METTL13: variants seen among roughly 807,000 people sequenced by gnomAD.
The protein encoded by METTL13 is methyltransferase 13, eEF1A N-terminus and K55.
Under a neutral mutation model 67.4 loss-of-function variants are expected in METTL13, and 52 were observed. The observed-to-expected ratio is 0.77, with a 90% confidence interval of 0.62 to 0.97. The LOEUF is 0.97. Among genes scored for constraint, METTL13 ranks in the 50% least tolerant of loss-of-function variants. METTL13 has a pLI of 0.00. For synonymous variants in METTL13, 354 were observed against 353.6 expected, an observed-to-expected ratio of 1.00 and a Z score of -0.01; for missense variants, 825 against 889.6, an observed-to-expected ratio of 0.93 and a Z score of 0.92.
At chr1:171,794,265 C>T in intron 6 of METTL13, 131 bp from the exon 7 acceptor site, 1 of 1,364,366 alleles carries the variant, frequency 7.3e-7, no homozygotes, top group East Asian at 2.4e-5. Flanking sequence ...ACAGGCAAAC[C>T]ACATCCTCTG....
In METTL13 at chr1:171,784,384, G is replaced by A. The variant is rs763068747; in HGVS notation, c.798G>A (p.Gly266=). The A allele has an allele frequency of 6.4e-7, 1 of 1,568,606 alleles. No homozygotes were observed. Among genetic ancestry groups the A allele is most frequent in the Non-Finnish European group, 8.6e-7 (1 of 1,157,232 alleles). ...CSQLRRKARL[G]SVSLDLCDGD... is the part of the protein sequence containing the mutation. ...AGCTGCGCCGCAAGGCCAGGCTGGG[G>A]AGTGTGTCTCTGGACTTGTGCGATG... is the stretch of plus-strand genomic sequence containing the variant. The change falls in exon 2 of 8, where the codon GGG becomes GGA. Residue 266 remains glycine (G), a synonymous_variant. Coordinates refer to ENST00000361735, the MANE Select transcript of METTL13 (RefSeq NM_015935.5).
intron 6 of METTL13, among the ~76,000 whole-genome samples, chr1:171,792,962 A>G (rs1657255908): frequency 6.6e-6 from 1 of 152,198 alleles, no homozygotes; most frequent in African/African-American, 2.4e-5. Context: ...TAGGACAAAA[A>G]CCATAAGCAT....
chr1:171,793,552 T>C (rs1330663017), intron 6 of METTL13, among the ~76,000 whole-genome samples: 1 of 152,250 alleles, frequency 6.6e-6, no homozygotes, highest in African/African-American at 2.4e-5. Flanking sequence ...CTATGAACAA[T>C]GATAAGCATG....
chr1:171,781,780 T>C lies in METTL13; in HGVS notation c.-188T>C. On this transcript the variant is annotated 5_prime_UTR_variant, in exon 1 of 8. It removes an upstream start codon present in the reference 5' UTR. Transcript: ENST00000361735. ...AGCGTGTGTGAGATTCAGTGGTCCA[T>C]GCGTGCGTTTGTCGTGTAAGGGTCA... is the stretch of plus-strand genomic sequence containing the variant. The C allele has an allele frequency of 2.8e-6, 4 of 1,412,220 alleles. No homozygotes were observed. Among genetic ancestry groups the C allele is most frequent in the East Asian group, 5.3e-5 (2 of 37,816 alleles). The allele number at this position is 1,412,220 out of a possible 1,614,324, so 87.5% of individuals were successfully genotyped here. A position where few individuals can be genotyped will look rare whatever the true frequency, so the allele number is the denominator to read the frequency against.
In METTL13 at chr1:171,784,370, A is replaced by G. The variant is rs769918452; in HGVS notation, c.784A>G (p.Lys262Glu). Residue 262 changes from lysine to glutamate, a missense_variant, in exon 2 of 8, where the codon AAG becomes GAG. Lys to Glu is a moderately conservative substitution (Grantham distance 56). Transcript: ENST00000361735. Reference protein sequence around the residue: ...YAWLCSQLRRKARLGSVSLDL... With the variant: ...YAWLCSQLRREARLGSVSLDL... The stretch of plus-strand genomic sequence containing the variant: ...CTGGCTGTGCAGCCAGCTGCGCCGC[A>G]AGGCCAGGCTGGGGAGTGTGTCTCT... 5.1e-6 allele frequency: 8 copies of G among 1,573,954 alleles called. No homozygotes were observed. In the East Asian group the frequency reaches 1.8e-4, roughly 35 times the overall value.
rs1217378073 is a variant in METTL13, at chr1:171,784,102, C to T, written c.516C>T (p.Gly172=). 4 of 1,614,084 alleles carry T rather than the reference C, an allele frequency of 2.5e-6. No homozygotes were observed. The highest frequency in any genetic ancestry group is 1.7e-5 in the Admixed American group (1 of 60,006). ...CTCACATCCTGAAGAAAGCAGTGGG[C>T]CACTTCTCCCGGGAGGGGTGGATGG... The part of the protein sequence containing the change: ...AQAHILKKAV[G]HFSREGWMVR... The change falls in exon 2 of 8, where the codon GGC becomes GGT. Residue 172 remains glycine, a synonymous_variant. Transcript: ENST00000361735.
intron 1 of METTL13, among the ~76,000 whole-genome samples, chr1:171,782,567 A>T (rs891982588): frequency 2.6e-5 from 1 of 38,704 alleles, no homozygotes; most frequent in African/African-American, 1.2e-4. Flanking sequence ...GACCCTGTCT[A>T]AAAAAAAAAA....
At chr1:171,784,773 G>A (rs563352537) in intron 2 of METTL13, among the ~76,000 whole-genome samples, 2 of 152,350 alleles carry the variant, frequency 1.3e-5, no homozygotes, top group East Asian at 1.9e-4. Context: ...GGTTGGTAGG[G>A]AAGAGAGAGA....
chr1:171,794,295 T>C, intron 6 of METTL13, 101 bp from the exon 7 acceptor site: 1 of 1,531,030 alleles, frequency 6.5e-7, no homozygotes, highest in Non-Finnish European at 8.9e-7. Flanking sequence ...TCTAACTTAG[T>C]CACCATGCCC....
chr1:171,791,396 C>G (rs1657200371), intron 5 of METTL13, among the ~76,000 whole-genome samples: 1 of 152,182 alleles, frequency 6.6e-6, no homozygotes, highest in African/African-American at 2.4e-5. Context: ...GACATTGCAC[C>G]TCTGCTGCCT....
At position 171,794,437 on chromosome 1, in the gene METTL13, A is replaced by G. The variant is rs1467221388; in HGVS notation, c.1735A>G (p.Lys579Glu). 7 of 1,614,228 alleles carry G rather than the reference A, an allele frequency of 4.3e-6. No individual in the cohort carries two copies. The highest frequency in any genetic ancestry group is 5.9e-6 in the Non-Finnish European group (7 of 1,180,032). ...TGTCATAATGTTTGATGTTGACAGT[A>G]AGGACCCAACACTGGGAATGAGTTG... Reference protein sequence around the residue: ...YDVIMFDVDSKDPTLGMSCPP... With the variant: ...YDVIMFDVDSEDPTLGMSCPP... Residue 579 changes from lysine to glutamate, a missense_variant, in exon 7 of 8, where the codon AAG becomes GAG. By Grantham distance (56) the Lys-to-Glu change is moderately conservative. Coordinates refer to ENST00000361735, the MANE Select transcript of METTL13 (RefSeq NM_015935.5).
Position 171,796,910 on chromosome 1 carries a change from T to G in METTL13, c.*154T>G, listed in dbSNP as rs2029863076. 2.0e-6 allele frequency: 2 copies of G among 985,358 alleles called. No individual in the cohort carries two copies. Among genetic ancestry groups the G allele is most frequent in the Admixed American group, 5.7e-5 (2 of 35,188 alleles). 61.0% of individuals were successfully genotyped at this position (985,358 alleles called of 1,614,324 possible). ...TGACCTCCAGCTTGGTGAGGTTGCC[T>G]GAAGATTAGGGAAAATAAAAATGTC... On this transcript the variant is annotated 3_prime_UTR_variant, in exon 8 of 8. Coordinates refer to ENST00000361735, the MANE Select transcript of METTL13 (RefSeq NM_015935.5).
Position 171,794,535 on chromosome 1 carries a change from G to A in METTL13, c.1825+8G>A. The A allele has an allele frequency of 6.2e-7, 1 of 1,614,140 alleles. No individual in the cohort carries two copies. Among genetic ancestry groups the A allele is most frequent in the Non-Finnish European group, 8.5e-7 (1 of 1,180,000 alleles). On this transcript the variant is annotated splice_region_variant and intron_variant, in intron 7 of 7. Transcript: ENST00000361735. ...GCATCTTGACTCCTGAAGGTATGGAGAACAAAAGGTGGGAGAGGGAGGAGA... is the reference window on the plus strand; with the variant it reads ...GCATCTTGACTCCTGAAGGTATGGAAAACAAAAGGTGGGAGAGGGAGGAGA...
chr1:171,791,460 T>G (rs940657115), intron 5 of METTL13, among the ~76,000 whole-genome samples: 1 of 152,130 alleles, frequency 6.6e-6, no homozygotes, highest in African/African-American at 2.4e-5. Context: ...CTAGAGAGGG[T>G]CTAATAATTC....
At chr1:171,782,229 C>T (rs1656850465) in intron 1 of METTL13, 109 bp downstream of exon 1, 1 of 916,206 alleles carries the variant, frequency 1.1e-6, no homozygotes, top group African/African-American at 1.7e-5. Flanking sequence ...CCTAGTTGGA[C>T]GCATATTTCA....
Position 171,797,002 on chromosome 1 carries a change from G to C in METTL13, c.*246G>C, listed in dbSNP as rs1438863043. 1 of 491,436 alleles carries C rather than the reference G, an allele frequency of 2.0e-6. No individual in the cohort carries two copies. Among genetic ancestry groups the C allele is most frequent in the Non-Finnish European group, 3.7e-6 (1 of 271,422 alleles). 30.4% of individuals were successfully genotyped at this position (491,436 alleles called of 1,614,324 possible). ...TCTTTGCTTCCTACACCACGTCCTTGAGTGGAGTTCCCTGCTGAAGCCCCT... is the reference window on the plus strand; with the variant it reads ...TCTTTGCTTCCTACACCACGTCCTTCAGTGGAGTTCCCTGCTGAAGCCCCT... On this transcript the variant is annotated 3_prime_UTR_variant, in exon 8 of 8. Coordinates refer to ENST00000361735, the MANE Select transcript of METTL13 (RefSeq NM_015935.5).
At chr1:171,794,291 T>G (rs1467913227) in intron 6 of METTL13, 105 bp from the exon 7 acceptor site, 4 of 1,514,190 alleles carry the variant, frequency 2.6e-6, no homozygotes, top group Non-Finnish European at 3.6e-6. Flanking sequence ...TCCTTCTAAC[T>G]TAGTCACCAT....
Position 171,787,863 on chromosome 1 carries a change from G to A in METTL13, c.1242G>A (p.Leu414=). The change falls in exon 4 of 8, where the codon CTG becomes CTA. Residue 414 remains leucine (L), a synonymous_variant. Transcript: ENST00000361735. ...ATGACAAGCGATACTTCCGTCGACTGATCTTCCTCAGCAACAGGAATGTGG... is the reference window on the plus strand; with the variant it reads ...ATGACAAGCGATACTTCCGTCGACTAATCTTCCTCAGCAACAGGAATGTGG... ...QGDDKRYFRR[L]IFLSNRNVVQ... 6.2e-7 allele frequency: 1 copy of A among 1,614,124 alleles called. No homozygotes were observed. The highest frequency in any genetic ancestry group is 8.5e-7 in the Non-Finnish European group (1 of 1,180,012).
In METTL13 at chr1:171,794,482, G is replaced by A. The variant is rs575960836; in HGVS notation, c.1780G>A (p.Glu594Lys). The change falls in exon 7 of 8, where the codon GAG becomes AAG. Residue 594 changes from glutamate to lysine, a missense_variant. Physicochemically the swap from Glu to Lys is moderately conservative, Grantham distance 56 (BLOSUM62 1). Transcript: ENST00000361735. The part of the protein sequence containing the change: ...GMSCPPPAFV[E>K]QSFLQKVKSI... ...GAGTTGTCCGCCCCCAGCATTTGTG[G>A]AGCAATCTTTTCTACAGAAGGTTAA... is the stretch of plus-strand genomic sequence containing the variant. 8.1e-6 allele frequency: 13 copies of A among 1,614,212 alleles called. No homozygotes were observed. The South Asian group carries it at 1.1e-4, about 14-fold the overall frequency.
Sources: allele counts gnomAD v4.1 joint callset (sites outside exome capture counted in the v4.1 genomes callset), GRCh38; gene constraint gnomAD v4.1.1; transcripts MANE v1.5; gene names NCBI Gene and HGNC (gene_info 2026-07-23, HGNC 2026-07-21).